VEGFB: variants seen among roughly 807,000 people sequenced by gnomAD.
VEGFB encodes the protein VEGF-related factor.
In VEGFB, 24 loss-of-function variants were observed where a neutral mutation model predicts 22.5. That is an observed-to-expected ratio of 1.07 (90% CI 0.77 to 1.50). VEGFB has a LOEUF of 1.50. VEGFB is among the 40% of genes most tolerant of loss of function. VEGFB has a pLI of 0.00. For missense variants in VEGFB, 327 were observed against 287.8 expected (o/e 1.14, Z -0.99); for synonymous variants, 141 against 117.4 (o/e 1.20, Z -1.30).
Position 64,234,993 on chromosome 11 carries a change from CG to C in VEGFB, c.60+104del. 1 of 1,031,158 alleles carries C rather than the reference CG, an allele frequency of 9.7e-7. No individual in the cohort carries two copies. The highest frequency in any genetic ancestry group is 1.2e-6 in the Non-Finnish European group (1 of 807,714). 63.9% of individuals were successfully genotyped at this position (1,031,158 alleles called of 1,614,324 possible). ...CCGCGGCCTCGGCCGAGGGGATCTG[CG>C]GGGTCCGGCCTTGGACGCGGGCGTC... is the stretch of plus-strand genomic sequence containing the variant. On this transcript the variant is annotated intron_variant, in intron 1 of 6. Transcript: ENST00000309422. The surrounding 1 kb of genome is among the most constrained non-coding windows in gnomAD (Gnocchi z 5.3).
chr11:64,237,240 C>T lies in VEGFB; in HGVS notation c.410+18C>T, dbSNP rs749214278. On this transcript the variant is annotated intron_variant, in intron 5 of 6. Transcript: ENST00000309422. ...CCAGACAGGTGAGTCTTTTGGACTC[C>T]AGCTGAGTAGGGGTATGGGGAGTAC... 16 of 1,607,092 alleles carry T rather than the reference C, an allele frequency of 1.0e-5. No individual in the cohort carries two copies. In the East Asian group the frequency reaches 3.3e-4, roughly 34 times the overall value.
At chr11:64,235,257 T>C (rs535037096) in intron 1 of VEGFB, among the ~76,000 whole-genome samples, 7 of 152,282 alleles carry the variant, frequency 4.6e-5, no homozygotes, top group African/African-American at 1.7e-4. Context: ...AGAGCACCTG[T>C]TGCGTTTTGG....
intron 3 of VEGFB, 68 bp from the exon 4 acceptor site, chr11:64,236,186 C>G (rs775086882): frequency 1.3e-6 from 2 of 1,583,182 alleles, no homozygotes; most frequent in Admixed American, 1.7e-5. Context: ...GCTTTTCTCC[C>G]TTCAGTCTTA....
In VEGFB at chr11:64,235,515, A is replaced by C. The variant is rs2029943928; in HGVS notation, c.103+15A>C. 5 of 1,613,546 alleles carry C rather than the reference A, an allele frequency of 3.1e-6. No homozygotes were observed. The South Asian group carries it at 3.3e-5, about 11-fold the overall frequency. On this transcript the variant is annotated intron_variant, in intron 2 of 6. Transcript: ENST00000309422. ...CCAGAGGAAAGGTAATACTTACAAA[A>C]ACTCGGCACTAGCCAGCACTAAGAG...
chr11:64,235,276 A>C (rs1311398740), intron 1 of VEGFB, among the ~76,000 whole-genome samples, 182 bp from the exon 2 acceptor site: 1 of 152,244 alleles, frequency 6.6e-6, no homozygotes, highest in African/African-American at 2.4e-5. Flanking sequence ...GGGCCAGGGC[A>C]GGTCCCGGGT....
At chr11:64,236,716 CAAAAAAAAAAAAA>C (rs773789771) in intron 4 of VEGFB, among the ~76,000 whole-genome samples, 61 of 74,470 alleles carry the variant, frequency 8.2e-4, no homozygotes, top group African/African-American at 2.0e-3. Flanking sequence ...GACTCTGCCA[CAAAAAAAAAAAAA>C]AAAAAAAAAA....
At position 64,238,661 on chromosome 11, in the gene VEGFB, G is replaced by A. The variant is rs1296054846; in HGVS notation, c.*328G>A. Reference sequence around the variant, plus strand: ...TACTGTCTCAGTTTCTAACCACTCTGTGCAAGTAAGCATCTTACAACTGGC... The same window carrying A: ...TACTGTCTCAGTTTCTAACCACTCTATGCAAGTAAGCATCTTACAACTGGC... On this transcript the variant is annotated 3_prime_UTR_variant, in exon 7 of 7. Transcript: ENST00000309422. 2 of 526,680 alleles carry A rather than the reference G, an allele frequency of 3.8e-6. No individual in the cohort carries two copies. Among genetic ancestry groups the A allele is most frequent in the Non-Finnish European group, 6.8e-6 (2 of 292,088 alleles). The allele number at this position is 526,680 out of a possible 1,614,324, so 32.6% of individuals were successfully genotyped here. A position where few individuals can be genotyped will look rare whatever the true frequency, so the allele number is the denominator to read the frequency against.
Position 64,234,919 on chromosome 11 carries a change from G to A in VEGFB, c.60+26G>A. The A allele has an allele frequency of 3.9e-6, 5 of 1,272,190 alleles. No individual in the cohort carries two copies. Among genetic ancestry groups the A allele is most frequent in the Non-Finnish European group, 3.0e-6 (3 of 1,009,414 alleles). 78.8% of individuals were successfully genotyped at this position (1,272,190 alleles called of 1,614,324 possible). ...GTACGTGCGGCCCGACAGCGCGCCC[G>A]CCCGCCCGCCGTGCCCTCTCTCAAG... is the stretch of plus-strand genomic sequence containing the variant. On this transcript the variant is annotated intron_variant, in intron 1 of 6. Coordinates refer to ENST00000309422, the MANE Select transcript of VEGFB (RefSeq NM_003377.5). This position sits in a 1 kb window ranked among gnomAD's most constrained non-coding sequence, Gnocchi z 5.3.
In VEGFB at chr11:64,239,101, C is replaced by T. The variant is rs1565319510; in HGVS notation, c.*768C>T. ...GAGCTTGGGGTAGGACCCAGATCTA[C>T]TGAGTGACCTTGCTTGTCACTACCC... On this transcript the variant is annotated 3_prime_UTR_variant, in exon 7 of 7. Coordinates refer to ENST00000309422, the MANE Select transcript of VEGFB (RefSeq NM_003377.5). Among the ~76,000 whole-genome samples, 2 of 152,192 alleles carry T rather than the reference C, an allele frequency of 1.3e-5. No homozygotes were observed. Among genetic ancestry groups the T allele is most frequent in the South Asian group, 2.1e-4 (1 of 4,836 alleles).
Position 64,234,942 on chromosome 11 carries a change from A to T in VEGFB, c.60+49A>T, listed in dbSNP as rs2135012673. The T allele has an allele frequency of 8.0e-7, 1 of 1,257,450 alleles. No individual in the cohort carries two copies. Among genetic ancestry groups the T allele is most frequent in the African/African-American group, 1.6e-5 (1 of 64,304 alleles). The allele number at this position is 1,257,450 out of a possible 1,614,324, so 77.9% of individuals were successfully genotyped here. On this transcript the variant is annotated intron_variant, in intron 1 of 6. Coordinates refer to ENST00000309422, the MANE Select transcript of VEGFB (RefSeq NM_003377.5). This position sits in a 1 kb window ranked among gnomAD's most constrained non-coding sequence, Gnocchi z 5.3. ...CCGCCCGCCCGCCGTGCCCTCTCTC[A>T]AGGTTGGCGGAAGTGAGGAGGCGAC... is the stretch of plus-strand genomic sequence containing the variant.
chr11:64,238,335 G>A, intron 6 of VEGFB, 21 bp from the exon 7 acceptor site: 2 of 1,536,158 alleles, frequency 1.3e-6, no homozygotes, highest in Non-Finnish European at 1.7e-6. Context: ...AGCATGAACA[G>A]ATCACTTCCT....
intron 4 of VEGFB, 107 bp from the exon 5 acceptor site, chr11:64,237,080 T>A: frequency 1.4e-6 from 1 of 704,978 alleles, no homozygotes; most frequent in East Asian, 7.2e-5. Context: ...GGAAACACAG[T>A]CTCAAAGAGA....
intron 2 of VEGFB, 24 bp downstream of exon 2, chr11:64,235,524 C>A (rs1275664114): frequency 6.2e-7 from 1 of 1,612,558 alleles, no homozygotes; most frequent in African/African-American, 1.3e-5. Flanking sequence ...AAACTCGGCA[C>A]TAGCCAGCAC....
At chr11:64,236,154 C>T (rs895641618) in intron 3 of VEGFB, 100 bp from the exon 4 acceptor site, 1 of 1,542,416 alleles carries the variant, frequency 6.5e-7, no homozygotes, top group Non-Finnish European at 8.8e-7. Flanking sequence ...GGCTGGTGGC[C>T]AGCCTCCCGG....
At position 64,234,915 on chromosome 11, in the gene VEGFB, G is replaced by T; in HGVS notation, c.60+22G>T. ...CCAGGTACGTGCGGCCCGACAGCGC[G>T]CCCGCCCGCCCGCCGTGCCCTCTCT... On this transcript the variant is annotated intron_variant, in intron 1 of 6. Coordinates refer to ENST00000309422, the MANE Select transcript of VEGFB (RefSeq NM_003377.5). The surrounding 1 kb of genome is among the most constrained non-coding windows in gnomAD (Gnocchi z 5.3). The T allele has an allele frequency of 7.9e-7, 1 of 1,264,836 alleles. No homozygotes were observed. The highest frequency in any genetic ancestry group is 2.7e-5 in the South Asian group (1 of 37,462). The allele number at this position is 1,264,836 out of a possible 1,614,324, so 78.4% of individuals were successfully genotyped here.
At chr11:64,236,970 C>T (rs61761270) in intron 4 of VEGFB, among the ~76,000 whole-genome samples, 2,865 of 147,938 alleles carry the variant, frequency 0.019, 136 homozygotes, top group African/African-American at 0.067. Context: ...GTAATCCCAG[C>T]TACTTGGGAG....
At chr11:64,237,098 A>AGGAGAGAGAG in intron 4 of VEGFB, 89 bp from the exon 5 acceptor site, 1 of 379,580 alleles carries the variant, frequency 2.6e-6, no homozygotes, top group South Asian at 4.4e-5. Context: ...AGAGAGAGAG[A>AGGAGAGAGAG]GAGAGAGAGA....
At position 64,237,085 on chromosome 11, in the gene VEGFB, AAGAGAG is replaced by A. The variant is rs59541656; in HGVS notation, c.375-69_375-64del. 4,280 of 602,724 alleles carry A rather than the reference AAGAGAG, an allele frequency of 7.1e-3. 90 individuals are homozygous for A. Among genetic ancestry groups the A allele is most frequent in the African/African-American group, 7.9e-3 (293 of 37,100 alleles). The allele number at this position is 602,724 out of a possible 1,614,324, so 37.3% of individuals were successfully genotyped here. A position where few individuals can be genotyped will look rare whatever the true frequency, so the allele number is the denominator to read the frequency against. On this transcript the variant is annotated intron_variant, in intron 4 of 6. Coordinates refer to ENST00000309422, the MANE Select transcript of VEGFB (RefSeq NM_003377.5). ...GCAAGAAGAGGGAAACACAGTCTCA[AAGAGAG>A]AGAGAGAGAGAGAGAGAGAGAGAGA...
chr11:64,237,573 C>G lies in VEGFB; in HGVS notation c.564C>G (p.Pro188=), dbSNP rs181584898. Residue 188 remains proline, a synonymous_variant, in exon 6 of 7, where the codon CCC becomes CCG. Coordinates refer to ENST00000309422, the MANE Select transcript of VEGFB (RefSeq NM_003377.5). ...AAPSTTSALT[P]GPAAAAADAA... ...CCAGCACCACCAGCGCCCTGACCCC[C>G]GGACCTGCCGCTGCCGCTGCCGACG... The G allele has an allele frequency of 6.3e-7, 1 of 1,596,560 alleles. No homozygotes were observed. The highest frequency in any genetic ancestry group is 1.3e-5 in the African/African-American group (1 of 74,766).
Sources: allele counts gnomAD v4.1 joint callset (sites outside exome capture counted in the v4.1 genomes callset), GRCh38; gene constraint gnomAD v4.1.1; non-coding constraint Gnocchi (gnomAD v3.1); transcripts MANE v1.5; gene names NCBI Gene and HGNC (gene_info 2026-07-23, HGNC 2026-07-21).